Variants in PDE1A observed in about 807,000 individuals in gnomAD.
The protein encoded by PDE1A is dual specificity calcium/calmodulin-dependent 3',5'-cyclic nucleotide phosphodiesterase 1A.
PDE1A carries 35 observed loss-of-function variants against 61.7 expected under a neutral mutation model. The observed-to-expected ratio is 0.57, with a 90% CI of 0.43 to 0.75. The LOEUF is 0.75. Ranked by LOEUF, PDE1A falls within the 30% of genes least tolerant of loss-of-function variation. The probability of loss-of-function intolerance (pLI) is 0.00; values close to 1 mark genes in which losing one functional copy is unlikely to be tolerated. For missense variants in PDE1A, 597 were observed against 630.6 expected, an observed-to-expected ratio of 0.95 and a Z score of 0.57; for synonymous variants, 232 against 213.2, an observed-to-expected ratio of 1.09 and a Z score of -0.77.
intron 1 of PDE1A, among the ~76,000 whole-genome samples, chr2:182,271,342 A>C (rs1314903622): frequency 6.6e-6 from 1 of 152,070 alleles, no homozygotes; most frequent in Non-Finnish European, 1.5e-5. Flanking sequence ...ACTCTTAAAA[A>C]TGTGTTTACA....
At position 182,168,767 on chromosome 2, in the gene PDE1A, A is replaced by G. The variant is rs80058487; in HGVS notation, c.1517-477T>C. On this transcript the variant is annotated intron_variant, in intron 13 of 13. Coordinates refer to ENST00000351439, the Ensembl canonical transcript of PDE1A. The stretch of plus-strand genomic sequence containing the variant: ...ATTTATTTTCAAAATAAAAAAGAAT[A>G]AAATCATGTTTCCTTTTCCTTTATC... 4.7e-4 allele frequency among the ~76,000 whole-genome samples: 72 copies of G among 152,288 alleles called. No homozygotes were observed. In the East Asian group the frequency reaches 6.2e-3, roughly 13 times the overall value.
At chr2:182,307,280 G>C (rs1057276716) in intron 1 of PDE1A, among the ~76,000 whole-genome samples, 10 of 152,112 alleles carry the variant, frequency 6.6e-5, no homozygotes, top group African/African-American at 2.4e-4. Flanking sequence ...AACAGCATTA[G>C]AGGGTGGGAC....
chr2:182,379,899 G>A (rs921766955), intron 1 of PDE1A, among the ~76,000 whole-genome samples: 2 of 152,022 alleles, frequency 1.3e-5, no homozygotes, highest in East Asian at 3.9e-4. Context: ...GGCAAAGCTG[G>A]AAATTCTGGA....
intron 1 of PDE1A, among the ~76,000 whole-genome samples, chr2:182,391,199 A>G (rs1701400091): frequency 6.6e-6 from 1 of 152,272 alleles, no homozygotes; most frequent in East Asian, 1.9e-4. Flanking sequence ...GATATGGGCC[A>G]TCTAAGGAGG....
chr2:182,198,137 A>T lies in PDE1A; in HGVS notation c.1125+3302T>A, dbSNP rs1184660001. ...CATTTAATTAAAGGTTTCCCCCAAA[A>T]TTTTATTATTTTATGCTGTTATAAA... On this transcript the variant is annotated intron_variant, in intron 10 of 13. Transcript: ENST00000351439. 2.4e-4 allele frequency among the ~76,000 whole-genome samples: 36 copies of T among 151,732 alleles called. 1 individual carries two copies. The highest frequency in any genetic ancestry group is 4.4e-5 in the Non-Finnish European group (3 of 67,776).
rs564681918 is a variant in PDE1A at position 182,157,395 on chromosome 2, G to T, written c.1517-10243C>A. On this transcript the variant is annotated intron_variant, in intron 13 of 13. Transcript: ENST00000409365. ...TAGATCTTAAAACTTCCCAAATTGT[G>T]CACACTTTGCATATTCAAACATAGC... 6.6e-5 allele frequency among the ~76,000 whole-genome samples: 10 copies of T among 152,054 alleles called. No individual in the cohort carries two copies. The East Asian group carries it at 1.7e-3, about 26-fold the overall frequency.
chr2:182,630,567 AACTT>A, the PDE1A span, among the ~76,000 whole-genome samples: 8 of 152,154 alleles, frequency 5.3e-5, no homozygotes, highest in African/African-American at 1.9e-4. Flanking sequence ...AAAAAAAAAA[AACTT>A]ACCTGATTTC....
At chr2:182,541,426 G>C in the PDE1A span, among the ~76,000 whole-genome samples, 1 of 152,130 alleles carries the variant, frequency 6.6e-6, no homozygotes, top group Non-Finnish European at 1.5e-5. Context: ...TCAGTAACCT[G>C]GCAGAAACTG....
intron 1 of PDE1A, among the ~76,000 whole-genome samples, chr2:182,321,801 A>G (rs1256169038): frequency 6.6e-6 from 1 of 152,146 alleles, no homozygotes; most frequent in Non-Finnish European, 1.5e-5. Context: ...CTCTCCTCAT[A>G]GAGCTCTCCA....
chr2:182,691,811 A>C, the PDE1A span, among the ~76,000 whole-genome samples: 1 of 152,176 alleles, frequency 6.6e-6, no homozygotes, highest in Non-Finnish European at 1.5e-5. Flanking sequence ...CAGAATCTAC[A>C]AAGAACTCAA....
intron 1 of PDE1A, among the ~76,000 whole-genome samples, chr2:182,264,881 A>ATATATATATATATATG (rs1559271176): frequency 7.5e-6 from 1 of 134,184 alleles, no homozygotes; most frequent in African/African-American, 3.0e-5. Flanking sequence ...ATATATACAT[A>ATATATATATATATATG]TATATATATA....
At chr2:182,569,416 G>A in the PDE1A span, among the ~76,000 whole-genome samples, 2 of 152,126 alleles carry the variant, frequency 1.3e-5, no homozygotes, top group South Asian at 4.2e-4. Context: ...TTCAGCTATG[G>A]TCAACCTGCT....
At chr2:182,263,383 A>C (rs971670566) in intron 2 of PDE1A, among the ~76,000 whole-genome samples, 2 of 152,034 alleles carry the variant, frequency 1.3e-5, no homozygotes, top group East Asian at 3.9e-4. Flanking sequence ...TTTTAGCTGA[A>C]TTTTTATAAT....
the PDE1A span, among the ~76,000 whole-genome samples, chr2:182,713,557 G>A: frequency 6.6e-6 from 1 of 152,072 alleles, no homozygotes; most frequent in East Asian, 1.9e-4. Context: ...CTTGAACCTG[G>A]GAAGCAGAGA....
At chr2:182,649,316 C>CTAT in the PDE1A span, among the ~76,000 whole-genome samples, 2 of 152,126 alleles carry the variant, frequency 1.3e-5, no homozygotes. Flanking sequence ...GCAACATGAG[C>CTAT]TATTCCTAAC....
intron 1 of PDE1A, among the ~76,000 whole-genome samples, chr2:182,353,259 T>G (rs1238474576): frequency 1.3e-5 from 2 of 152,208 alleles, no homozygotes; most frequent in Non-Finnish European, 2.9e-5. Context: ...GGCAGCAGCT[T>G]TATTGCTTTT....
intron 1 of PDE1A, among the ~76,000 whole-genome samples, chr2:182,319,180 T>C (rs1696545723): frequency 6.6e-6 from 1 of 152,152 alleles, no homozygotes; most frequent in African/African-American, 2.4e-5. Flanking sequence ...TGTAAGAGGA[T>C]CTACTGACTG....
chr2:182,437,071 A>T (rs1038164075), intron 2 of PDE1A, among the ~76,000 whole-genome samples: 2 of 151,982 alleles, frequency 1.3e-5, no homozygotes, highest in Non-Finnish European at 2.9e-5. Context: ...TTACATGTGG[A>T]TGGATCAATG....
chr2:182,250,485 G>A (rs1691314754), intron 2 of PDE1A, among the ~76,000 whole-genome samples: 1 of 152,140 alleles, frequency 6.6e-6, no homozygotes, highest in South Asian at 2.1e-4. Context: ...CACCACTGAA[G>A]CATGTTTATT....
Sources: gnomAD v4.1 joint callset for allele counts (sites outside exome capture counted in the v4.1 genomes callset) on GRCh38, gnomAD v4.1.1 for gene constraint, MANE v1.5 for transcripts, NCBI Gene and HGNC (gene_info 2026-07-23, HGNC 2026-07-21) for gene names.